The following DNAH14 variants were observed in gnomAD, a reference collection of about 807,000 sequenced individuals.
DNAH14 encodes the protein axonemal beta dynein heavy chain 14.
Under a neutral mutation model 520.9 loss-of-function variants are expected in DNAH14, and 478 were observed. That is an observed-to-expected ratio of 0.92 (90% CI 0.85 to 0.99). DNAH14 has a LOEUF of 0.99. Ranked by LOEUF, DNAH14 falls within the 50% of genes least tolerant of loss-of-function variation. The pLI is 0.00. For synonymous variants in DNAH14, 1,581 were observed against 1,757.2 expected (o/e 0.90, Z 2.51); for missense variants, 4,831 against 5,234.5 (o/e 0.92, Z 2.38).
chr1:225,222,642 G>A (rs554462102), intron 41 of DNAH14, among the ~76,000 whole-genome samples: 43 of 152,152 alleles, frequency 2.8e-4, no homozygotes, highest in Non-Finnish European at 5.7e-4. Flanking sequence ...ACAGAGCACT[G>A]ATTGGTGCAT....
At chr1:225,364,644 A>G in intron 75 of DNAH14, 148 bp from the exon 76 acceptor site, 1 of 521,476 alleles carries the variant, frequency 1.9e-6, no homozygotes, top group Non-Finnish European at 3.3e-6. Flanking sequence ...ATTCTTGCGC[A>G]ACATGGAAGC....
intron 44 of DNAH14, among the ~76,000 whole-genome samples, chr1:225,253,819 A>G (rs1191733883): frequency 6.6e-6 from 1 of 152,116 alleles, no homozygotes. Flanking sequence ...GTTAAATATT[A>G]ATGTTACCTC....
In DNAH14 at chr1:225,318,563, G is replaced by A; in HGVS notation, c.9241-20G>A. ...CTATATTGATTCATATGTGTTTGGGGACCTATATTTTTATTGCAGAAAACT... is the reference window on the plus strand; with the variant it reads ...CTATATTGATTCATATGTGTTTGGGAACCTATATTTTTATTGCAGAAAACT... On this transcript the variant is annotated intron_variant, in intron 60 of 85. Coordinates refer to ENST00000682510, the MANE Select transcript of DNAH14 (RefSeq NM_001367479.1). 1 of 1,534,414 alleles carries A rather than the reference G, an allele frequency of 6.5e-7. No individual in the cohort carries two copies. The highest frequency in any genetic ancestry group is 2.1e-5 in the Admixed American group (1 of 47,126).
intron 1 of DNAH14, among the ~76,000 whole-genome samples, chr1:224,940,752 A>G (rs1002082454): frequency 7.1e-6 from 1 of 141,306 alleles, no homozygotes; most frequent in Non-Finnish European, 1.5e-5. Context: ...ATTCTCACCT[A>G]TGAGTGAGAA....
intron 26 of DNAH14, among the ~76,000 whole-genome samples, chr1:225,121,016 T>C (rs1475843522): frequency 6.6e-6 from 1 of 152,202 alleles, no homozygotes; most frequent in Admixed American, 6.5e-5. Context: ...GAAAAGCTTC[T>C]AGTGTTTGAC....
At chr1:225,186,975 T>C (rs912241445) in intron 37 of DNAH14, among the ~76,000 whole-genome samples, 7 of 151,890 alleles carry the variant, frequency 4.6e-5, no homozygotes, top group African/African-American at 1.4e-4. Flanking sequence ...GTTCAAGACC[T>C]TCTCTTTATT....
At chr1:225,335,258 A>G (rs1353473481) in intron 66 of DNAH14, among the ~76,000 whole-genome samples, 1 of 131,378 alleles carries the variant, frequency 7.6e-6, no homozygotes, top group Non-Finnish European at 1.6e-5. Flanking sequence ...GTGTATATGC[A>G]CATATACACG....
intron 8 of DNAH14, among the ~76,000 whole-genome samples, chr1:224,994,230 T>G (rs915705612): frequency 2.6e-5 from 4 of 152,028 alleles, no homozygotes; most frequent in Admixed American, 6.6e-5. Context: ...ATTTTTTTTA[T>G]GAATTTTCTG....
chr1:224,970,188 G>A lies in DNAH14; in HGVS notation c.767+1314G>A, dbSNP rs185620940. Among the ~76,000 whole-genome samples the A allele has an allele frequency of 1.2e-3, 186 of 152,186 alleles. 1 individual carries two copies. Among genetic ancestry groups the A allele is most frequent in the Non-Finnish European group, 1.6e-3 (112 of 68,000 alleles). ...CTCTGAAATGGCCGCTTCGGGGGGC[G>A]GCTGTATTTTATGGTCAAAGCTGTA... On this transcript the variant is annotated intron_variant, in intron 7 of 85. Coordinates refer to ENST00000682510, the MANE Select transcript of DNAH14 (RefSeq NM_001367479.1).
chr1:225,217,642 G>A (rs956965422), intron 41 of DNAH14, among the ~76,000 whole-genome samples: 8 of 152,174 alleles, frequency 5.3e-5, no homozygotes, highest in East Asian at 1.9e-4. Flanking sequence ...CTTGCAGTTC[G>A]ATCTCAGACT....
At position 225,079,672 on chromosome 1, in the gene DNAH14, C is replaced by CTTTTT. The variant is rs58242386; in HGVS notation, c.2766+139_2766+143dup. The CTTTTT allele has an allele frequency of 8.4e-4, 273 of 326,220 alleles. 1 individual carries two copies. Among genetic ancestry groups the CTTTTT allele is most frequent in the South Asian group, 1.1e-3 (23 of 20,704 alleles). The allele number at this position is 326,220 out of a possible 1,614,324, so 20.2% of individuals were successfully genotyped here. A position where few individuals can be genotyped will look rare whatever the true frequency, so the allele number is the denominator to read the frequency against. Reference sequence around the variant, plus strand: ...GGCTAAATAGTTTAATACAAGTATTCTTTTTTTTTTTTTTTTTTTGAGATG... The same window carrying CTTTTT: ...GGCTAAATAGTTTAATACAAGTATTCTTTTTTTTTTTTTTTTTTTTTTTTGAGATG... On this transcript the variant is annotated intron_variant, in intron 18 of 85. Transcript: ENST00000682510.
chr1:225,163,895 TC>T (rs1323650137), intron 35 of DNAH14, among the ~76,000 whole-genome samples: 4 of 152,168 alleles, frequency 2.6e-5, no homozygotes, highest in Non-Finnish European at 5.9e-5. Context: ...TATTACCTCC[TC>T]CTCTATATCC....
At chr1:225,364,985 G>A in intron 76 of DNAH14, 91 bp downstream of exon 76, 1 of 945,070 alleles carries the variant, frequency 1.1e-6, no homozygotes, top group Admixed American at 2.9e-5. Context: ...GTTTAAAAGA[G>A]AAAGCTAATT....
chr1:225,112,244 A>C (rs1327226717), intron 23 of DNAH14, among the ~76,000 whole-genome samples: 1 of 152,144 alleles, frequency 6.6e-6, no homozygotes, highest in Non-Finnish European at 1.5e-5. Context: ...GATATACTAT[A>C]CTAGGGTAAA....
intron 3 of DNAH14, among the ~76,000 whole-genome samples, chr1:224,956,978 G>A (rs985615482): frequency 2.6e-5 from 4 of 152,152 alleles, no homozygotes; most frequent in East Asian, 1.9e-4. Flanking sequence ...ATTTGGCCAC[G>A]TTAAGGAATT....
At chr1:224,944,191 C>CAT (rs2059629660) in intron 1 of DNAH14, among the ~76,000 whole-genome samples, 1 of 152,186 alleles carries the variant, frequency 6.6e-6, no homozygotes, top group Admixed American at 6.5e-5. Flanking sequence ...GTATTGGCTG[C>CAT]ATATATATTT....
At chr1:225,210,775 C>T (rs963979244) in intron 41 of DNAH14, among the ~76,000 whole-genome samples, 2 of 152,140 alleles carry the variant, frequency 1.3e-5, no homozygotes, top group African/African-American at 4.8e-5. Context: ...CTGGTGGGTG[C>T]CCCTGTGGGA....
chr1:225,281,983 G>A (rs1042497030), intron 54 of DNAH14, among the ~76,000 whole-genome samples: 10 of 145,360 alleles, frequency 6.9e-5, no homozygotes, highest in East Asian at 2.2e-4. Flanking sequence ...CACACACGAC[G>A]GTAACTATGT....
At chr1:225,198,169 G>A (rs182389127) in intron 38 of DNAH14, among the ~76,000 whole-genome samples, 9 of 151,588 alleles carry the variant, frequency 5.9e-5, no homozygotes, top group East Asian at 5.8e-4. Flanking sequence ...TATTGGTTGC[G>A]GGTTTTTCTT....
Sources: gnomAD v4.1 joint callset for allele counts (sites outside exome capture counted in the v4.1 genomes callset) on GRCh38, gnomAD v4.1.1 for gene constraint, MANE v1.5 for transcripts, NCBI Gene and HGNC (gene_info 2026-07-23, HGNC 2026-07-21) for gene names.